Variants in AGAP1 observed in about 807,000 individuals in gnomAD.
AGAP1 encodes ArfGAP with GTPase domain, ankyrin repeat and PH domain 1.
Under a neutral mutation model 105.3 loss-of-function variants are expected in AGAP1, and 29 were observed. The ratio of observed to expected loss-of-function variants is 0.28; its 90% CI spans 0.21 to 0.38. AGAP1 has a LOEUF of 0.38. Among genes scored for constraint, AGAP1 ranks in the 10% least tolerant of loss-of-function variants. AGAP1 has a pLI of 1.00. For synonymous variants in AGAP1, 509 were observed against 485.9 expected (o/e 1.05, Z -0.63); for missense variants, 998 against 1,165.1 (o/e 0.86, Z 2.09).
intron 13 of AGAP1, among the ~76,000 whole-genome samples, chr2:236,022,509 C>T (rs2056917600): frequency 6.6e-6 from 1 of 152,166 alleles, no homozygotes; most frequent in East Asian, 1.9e-4. Context: ...CAACCCTGGT[C>T]CATATTCTCC....
intron 6 of AGAP1, among the ~76,000 whole-genome samples, chr2:235,767,947 C>T (rs1281935453): frequency 7.9e-5 from 12 of 151,902 alleles, no homozygotes; most frequent in African/African-American, 2.2e-4. Flanking sequence ...CCATCATGCC[C>T]GGCTAATTTC....
chr2:235,578,507 C>T lies in AGAP1; in HGVS notation c.163+83658C>T, dbSNP rs1041979091. On this transcript the variant is annotated intron_variant, in intron 1 of 17. Coordinates refer to ENST00000304032, the MANE Select transcript of AGAP1 (RefSeq NM_001037131.3). The surrounding 1 kb of genome is among the most constrained non-coding windows in gnomAD (Gnocchi z 4.9). ...TTGCCACAGTTTAAAAAATTACAGACTGGACGCAGTGGCTTATGCCACCCC... is the reference window on the plus strand; with the variant it reads ...TTGCCACAGTTTAAAAAATTACAGATTGGACGCAGTGGCTTATGCCACCCC... Among the ~76,000 whole-genome samples, 2 of 152,166 alleles carry T rather than the reference C, an allele frequency of 1.3e-5. No individual in the cohort carries two copies. Among genetic ancestry groups the T allele is most frequent in the African/African-American group, 4.8e-5 (2 of 41,434 alleles).
At chr2:236,071,355 CG>C (rs1361548732) in intron 16 of AGAP1, among the ~76,000 whole-genome samples, 1 of 152,134 alleles carries the variant, frequency 6.6e-6, no homozygotes, top group African/African-American at 2.4e-5. Context: ...CTGAGCACCT[CG>C]GTGGTCCCAG....
chr2:235,762,380 G>A (rs1411956104), intron 6 of AGAP1, among the ~76,000 whole-genome samples: 2 of 152,178 alleles, frequency 1.3e-5, no homozygotes, highest in Non-Finnish European at 2.9e-5. Context: ...CCAAGAGGAT[G>A]TGAGGAATTC....
At chr2:235,856,386 G>T (rs1174498060) in intron 9 of AGAP1, among the ~76,000 whole-genome samples, 1 of 152,200 alleles carries the variant, frequency 6.6e-6, no homozygotes, top group Non-Finnish European at 1.5e-5. Flanking sequence ...AGAAGCAGGG[G>T]TGTCACCCCA....
intron 12 of AGAP1, among the ~76,000 whole-genome samples, chr2:235,945,961 A>AC (rs1355612859): frequency 2.6e-5 from 4 of 151,954 alleles, no homozygotes; most frequent in Non-Finnish European, 5.9e-5. Context: ...TGAGACCAAC[A>AC]CCAAGAGGGA....
At chr2:235,710,022 T>C (rs1016877742) in intron 2 of AGAP1, among the ~76,000 whole-genome samples, 1 of 152,258 alleles carries the variant, frequency 6.6e-6, no homozygotes, top group African/African-American at 2.4e-5. Flanking sequence ...TATGTATATA[T>C]GTCTAATTTC....
At chr2:236,034,807 G>A (rs554964760) in intron 13 of AGAP1, among the ~76,000 whole-genome samples, 53 of 152,342 alleles carry the variant, frequency 3.5e-4, no homozygotes, top group African/African-American at 1.1e-3. Flanking sequence ...TATGCCCAGG[G>A]CACAGTGGCT....
chr2:235,893,292 G>A lies in AGAP1; in HGVS notation c.1155+9843G>A, dbSNP rs1242363445. 6.7e-6 allele frequency among the ~76,000 whole-genome samples: 1 copy of A among 150,006 alleles called. No homozygotes were observed. The highest frequency in any genetic ancestry group is 1.5e-5 in the Non-Finnish European group (1 of 67,504). Reference sequence around the variant, plus strand: ...GCGCCGTGTCTGTAGCGTGGGTGTAGCGTGTCTGTGGCGCAGGTGTGCCGT... The same window carrying A: ...GCGCCGTGTCTGTAGCGTGGGTGTAACGTGTCTGTGGCGCAGGTGTGCCGT... On this transcript the variant is annotated intron_variant, in intron 10 of 17. Coordinates refer to ENST00000304032, the MANE Select transcript of AGAP1 (RefSeq NM_001037131.3). This position sits in a 1 kb window ranked among gnomAD's most constrained non-coding sequence, Gnocchi z 4.7.
intron 1 of AGAP1, among the ~76,000 whole-genome samples, chr2:235,584,925 T>TTTA (rs60407184): frequency 0.011 from 1,594 of 145,672 alleles, 38 homozygotes; most frequent in African/African-American, 0.04. Flanking sequence ...TTTTTTTTTT[T>TTTA]AAAGAAAACC....
chr2:235,720,737 T>A lies in AGAP1; in HGVS notation c.310+3093T>A. On this transcript the variant is annotated intron_variant, in intron 3 of 17. Transcript: ENST00000304032. This position sits in a 1 kb window ranked among gnomAD's most constrained non-coding sequence, Gnocchi z 5.0. ...TGCGTGAGTATCCTTTATGTCATAA[T>A]CCTGACCCGTGGCTGGGATATGTAG... The A allele has an allele frequency of 1.0e-6, 1 of 983,456 alleles. No homozygotes were observed. The highest frequency in any genetic ancestry group is 1.2e-6 in the Non-Finnish European group (1 of 828,142). 60.9% of individuals were successfully genotyped at this position (983,456 alleles called of 1,614,324 possible).
chr2:235,672,052 A>G (rs1434799497), intron 1 of AGAP1, among the ~76,000 whole-genome samples: 1 of 152,004 alleles, frequency 6.6e-6, no homozygotes, highest in Non-Finnish European at 1.5e-5. Flanking sequence ...TTACCACCAA[A>G]AAAAAAAATA....
chr2:235,991,072 T>G (rs541891964), intron 13 of AGAP1, among the ~76,000 whole-genome samples: 1 of 152,312 alleles, frequency 6.6e-6, no homozygotes. Context: ...GTGGCCACCT[T>G]AAACTGAGTA....
intron 13 of AGAP1, among the ~76,000 whole-genome samples, chr2:235,972,822 C>G (rs1447532044): frequency 1.3e-5 from 2 of 152,174 alleles, no homozygotes; most frequent in Admixed American, 6.5e-5. Context: ...GTTGGTGGTC[C>G]ACAAACACAG....
chr2:235,613,105 G>A (rs572304723), intron 1 of AGAP1, among the ~76,000 whole-genome samples: 1 of 150,610 alleles, frequency 6.6e-6, no homozygotes, highest in East Asian at 2.0e-4. Flanking sequence ...TCGGCTCAGT[G>A]TAACCTCTGC....
Position 235,574,723 on chromosome 2 carries a change from A to G in AGAP1, c.163+79874A>G, listed in dbSNP as rs1299946414. On this transcript the variant is annotated intron_variant, in intron 1 of 17. Coordinates refer to ENST00000304032, the MANE Select transcript of AGAP1 (RefSeq NM_001037131.3). This position sits in a 1 kb window ranked among gnomAD's most constrained non-coding sequence, Gnocchi z 5.0. Reference sequence around the variant, plus strand: ...GAGACTGTATTAAGAGGAATAATGGACCAAGTACACCAGGAGGGAATGAAC... The same window carrying G: ...GAGACTGTATTAAGAGGAATAATGGGCCAAGTACACCAGGAGGGAATGAAC... 6.6e-6 allele frequency among the ~76,000 whole-genome samples: 1 copy of G among 152,226 alleles called. No individual in the cohort carries two copies. The highest frequency in any genetic ancestry group is 6.5e-5 in the Admixed American group (1 of 15,282).
chr2:235,913,901 C>T (rs2051746765), intron 11 of AGAP1, among the ~76,000 whole-genome samples: 1 of 152,060 alleles, frequency 6.6e-6, no homozygotes, highest in Non-Finnish European at 1.5e-5. Context: ...TGTGGAGTTC[C>T]TTATCGTGGA....
At chr2:235,613,026 GTTTTTTT>G (rs397935531) in intron 1 of AGAP1, among the ~76,000 whole-genome samples, 2 of 135,094 alleles carry the variant, frequency 1.5e-5, no homozygotes, top group African/African-American at 5.4e-5. Flanking sequence ...TTTCAGTTTT[GTTTTTTT>G]TTTTTTTTTG....
intron 5 of AGAP1, among the ~76,000 whole-genome samples, chr2:235,749,237 G>A (rs1222941846): frequency 6.6e-6 from 1 of 151,558 alleles, no homozygotes; most frequent in African/African-American, 2.4e-5. Flanking sequence ...AAAGCTGTCT[G>A]TGAAAAGTCC....
Sources: gnomAD v4.1 joint callset for allele counts (sites outside exome capture counted in the v4.1 genomes callset) on GRCh38, gnomAD v4.1.1 for gene constraint, Gnocchi (gnomAD v3.1) non-coding constraint, MANE v1.5 for transcripts, NCBI Gene and HGNC (gene_info 2026-07-23, HGNC 2026-07-21) for gene names.